The following ABCC3 variants were observed in gnomAD, a reference collection of about 807,000 sequenced individuals.
The protein encoded by ABCC3 is ATP-binding cassette sub-family C member 3.
In ABCC3, 121 loss-of-function variants were observed where a neutral mutation model predicts 165.3. The ratio of observed to expected loss-of-function variants is 0.73; its 90% confidence interval spans 0.63 to 0.85. ABCC3 has a LOEUF of 0.85. Among genes scored for constraint, ABCC3 ranks in the 40% least tolerant of loss-of-function variants. The pLI is 0.00. For missense variants in ABCC3, 1,869 were observed against 1,964.1 expected (o/e 0.95, Z 0.92); for synonymous variants, 733 against 810.1 (o/e 0.90, Z 1.62).
chr17:50,651,411 T>C (rs1967113621), intron 1 of ABCC3, among the ~76,000 whole-genome samples: 1 of 152,182 alleles, frequency 6.6e-6, no homozygotes, highest in Non-Finnish European at 1.5e-5. Flanking sequence ...CTTTCTATTC[T>C]TGATGCTAAG....
In ABCC3 at chr17:50,657,201, G is replaced by A; in HGVS notation, c.486+18G>A. 6.2e-7 allele frequency: 1 copy of A among 1,611,932 alleles called. No homozygotes were observed. Among genetic ancestry groups the A allele is most frequent in the Non-Finnish European group, 8.5e-7 (1 of 1,178,886 alleles). On this transcript the variant is annotated intron_variant, in intron 4 of 30. Coordinates refer to ENST00000285238, the MANE Select transcript of ABCC3 (RefSeq NM_003786.4). ...AGGCAGAGGTAAGGTTGGGGGAGAG[G>A]GGAACCTGCCAGGTTTAGCCCTGAT...
intron 1 of ABCC3, 190 bp downstream of exon 1, chr17:50,635,171 C>T: frequency 1.7e-6 from 1 of 595,550 alleles, no homozygotes; most frequent in Non-Finnish European, 2.7e-6. Flanking sequence ...CCGGGTCCCA[C>T]GCGGTGTCGG....
intron 7 of ABCC3, 142 bp downstream of exon 7, chr17:50,659,510 C>G: frequency 9.8e-7 from 1 of 1,020,630 alleles, no homozygotes; most frequent in Non-Finnish European, 1.4e-6. Context: ...AGCCTCGGGA[C>G]CATTCTATGG....
chr17:50,669,381 A>C lies in ABCC3; in HGVS notation c.2094A>C (p.Ala698=). Residue 698 remains alanine (A), a synonymous_variant, in exon 17 of 31, where the codon GCA becomes GCC. Transcript: ENST00000285238. The part of the protein sequence containing the change: ...KGSVAYVPQQ[A]WIQNCTLQEN... Reference sequence around the variant, plus strand: ...CCGTGGCCTATGTGCCCCAGCAGGCATGGATCCAGAACTGCACTCTTCAGG... The same window carrying C: ...CCGTGGCCTATGTGCCCCAGCAGGCCTGGATCCAGAACTGCACTCTTCAGG... 1.9e-6 allele frequency: 3 copies of C among 1,614,214 alleles called. No homozygotes were observed. The highest frequency in any genetic ancestry group is 2.5e-6 in the Non-Finnish European group (3 of 1,180,028).
In ABCC3 at chr17:50,673,984, C is replaced by CTTTCTTTCTT. The variant is rs1567835582; in HGVS notation, c.2599+327_2599+328insTTCTTTCTTT. Among the ~76,000 whole-genome samples, 51 of 11,548 alleles carry CTTTCTTTCTT rather than the reference C, an allele frequency of 4.4e-3. 10 individuals are homozygous for CTTTCTTTCTT. Among genetic ancestry groups the CTTTCTTTCTT allele is most frequent in the East Asian group, 0.013 (7 of 524 alleles). The allele number at this position is 11,548 out of a possible 152,430, so 7.6% of individuals were successfully genotyped here. A position where few individuals can be genotyped will look rare whatever the true frequency, so the allele number is the denominator to read the frequency against. On this transcript the variant is annotated intron_variant, in intron 19 of 30. Coordinates refer to ENST00000285238, the MANE Select transcript of ABCC3 (RefSeq NM_003786.4). Reference sequence around the variant, plus strand: ...TCTTTCTTTCTTTCTTTCTTTCTCTCTCTCTCTCTCTCTCTCTCTCTCTCT... The same window carrying CTTTCTTTCTT: ...TCTTTCTTTCTTTCTTTCTTTCTCTCTTTCTTTCTTTCTCTCTCTCTCTCTCTCTCTCTCT...
Position 50,635,909 on chromosome 17 carries a change from A to G in ABCC3, c.45+928A>G, listed in dbSNP as rs138642181. ...AAAAAAATAAATAAATAAGAAAAGA[A>G]AATCAAGCCTTTGGTGACTCTCACT... On this transcript the variant is annotated intron_variant, in intron 1 of 30. Transcript: ENST00000285238. 2.9e-3 allele frequency: 733 copies of G among 256,282 alleles called. 10 individuals carry two copies. Among genetic ancestry groups the G allele is most frequent in the African/African-American group, 0.014 (666 of 45,956 alleles). 15.9% of individuals were successfully genotyped at this position (256,282 alleles called of 1,614,324 possible). A position where few individuals can be genotyped will look rare whatever the true frequency, so the allele number is the denominator to read the frequency against.
rs1597860199 is a variant in ABCC3 at position 50,679,899 on chromosome 17, G to A, written c.3807G>A (p.Glu1269=). 1 of 1,612,888 alleles carries A rather than the reference G, an allele frequency of 6.2e-7. No homozygotes were observed. Among genetic ancestry groups the A allele is most frequent in the Non-Finnish European group, 8.5e-7 (1 of 1,178,946 alleles). The change falls in exon 26 of 31, where the codon GAG becomes GAA. Residue 1269 remains glutamate (E), a splice_region_variant and synonymous_variant. Transcript: ENST00000285238. ...RVKEYSKTET[E]APWVVEGSRP... ...AGGAGTACTCCAAGACAGAGACAGAGGTGGGTACTGGCATGAGCCCGGGAC... is the reference window on the plus strand; with the variant it reads ...AGGAGTACTCCAAGACAGAGACAGAAGTGGGTACTGGCATGAGCCCGGGAC...
In ABCC3 at chr17:50,656,105, A is replaced by C. The variant is rs1401666826; in HGVS notation, c.222+97A>C. 3 of 1,041,958 alleles carry C rather than the reference A, an allele frequency of 2.9e-6. No homozygotes were observed. In the African/African-American group the frequency reaches 5.0e-5, roughly 17 times the overall value. 64.5% of individuals were successfully genotyped at this position (1,041,958 alleles called of 1,614,324 possible). On this transcript the variant is annotated intron_variant, in intron 2 of 30. Coordinates refer to ENST00000285238, the MANE Select transcript of ABCC3 (RefSeq NM_003786.4). ...TAAATTAATTAATTAATTAATTTAG[A>C]GACAGAGTCTCACTCTGTCGCCCAG...
Position 50,683,973 on chromosome 17 carries a change from GC to G in ABCC3, c.3980del (p.Ala1327ValfsTer6). On this transcript the variant is annotated frameshift_variant, in exon 28 of 31. Coordinates refer to ENST00000285238, the MANE Select transcript of ABCC3 (RefSeq NM_003786.4). LOFTEE classifies it high-confidence loss of function. ...EKVGIVGRTG[A>X]GKSSMTLCLF... ...GGTGGGGATCGTGGGCCGCACTGGG[GC>G]TGGCAAGTCTTCCATGACCCTTTGC... 1 of 1,613,368 alleles carries G rather than the reference GC, an allele frequency of 6.2e-7. No homozygotes were observed. Among genetic ancestry groups the G allele is most frequent in the African/African-American group, 1.3e-5 (1 of 74,994 alleles).
intron 11 of ABCC3, among the ~76,000 whole-genome samples, chr17:50,667,320 G>A (rs1197358836): frequency 3.9e-5 from 6 of 152,088 alleles, no homozygotes; most frequent in African/African-American, 2.4e-5. Flanking sequence ...TGGGGAGGCC[G>A]GTGCAGTGGC....
chr17:50,683,531 GC>G, intron 26 of ABCC3, 78 bp from the exon 27 acceptor site: 2 of 1,434,618 alleles, frequency 1.4e-6, no homozygotes, highest in Non-Finnish European at 1.8e-6. Context: ...GGATTGAGGG[GC>G]CTTGGGGGAG....
At chr17:50,682,859 G>A (rs1393196954) in intron 26 of ABCC3, among the ~76,000 whole-genome samples, 1 of 152,156 alleles carries the variant, frequency 6.6e-6, no homozygotes, top group Non-Finnish European at 1.5e-5. Flanking sequence ...AACAATGAAT[G>A]GGTAAAGGTA....
rs1567835582 is a variant in ABCC3, at chr17:50,673,984, C to CTTTCTTTCTTTCTTTCTTTCTT, written c.2599+327_2599+328insTTCTTTCTTTCTTTCTTTCTTT. Among the ~76,000 whole-genome samples the CTTTCTTTCTTTCTTTCTTTCTT allele has an allele frequency of 4.3e-4, 5 of 11,546 alleles. 1 individual carries two copies. The South Asian group carries it at 8.3e-3, about 19-fold the overall frequency. The allele number at this position is 11,546 out of a possible 152,430, so 7.6% of individuals were successfully genotyped here. A position where few individuals can be genotyped will look rare whatever the true frequency, so the allele number is the denominator to read the frequency against. On this transcript the variant is annotated intron_variant, in intron 19 of 30. Transcript: ENST00000285238. ...TCTTTCTTTCTTTCTTTCTTTCTCT[C>CTTTCTTTCTTTCTTTCTTTCTT]TCTCTCTCTCTCTCTCTCTCTCTCT...
intron 1 of ABCC3, among the ~76,000 whole-genome samples, chr17:50,651,709 G>A (rs571929928): frequency 6.6e-6 from 1 of 152,200 alleles, no homozygotes; most frequent in Non-Finnish European, 1.5e-5. Flanking sequence ...GTAGGCGATA[G>A]AGACCCTATT....
chr17:50,649,841 G>T (rs929844346), intron 1 of ABCC3, among the ~76,000 whole-genome samples: 2 of 152,154 alleles, frequency 1.3e-5, no homozygotes, highest in African/African-American at 4.8e-5. Context: ...TTCATTAAAT[G>T]ACTTCGGAGG....
intron 26 of ABCC3, among the ~76,000 whole-genome samples, chr17:50,680,453 T>G (rs1254738079): frequency 6.6e-6 from 1 of 152,156 alleles, no homozygotes; most frequent in Non-Finnish European, 1.5e-5. Flanking sequence ...GCCCTCTTCA[T>G]GCCCAGAAGC....
intron 10 of ABCC3, chr17:50,664,782 G>A (rs948834362): frequency 3.1e-5 from 6 of 194,536 alleles, no homozygotes; most frequent in Non-Finnish European, 6.3e-5. Context: ...ATAGGACTTC[G>A]AGGATGCTGA....
intron 8 of ABCC3, chr17:50,663,372 G>A (rs536361768): frequency 2.3e-5 from 9 of 385,776 alleles, no homozygotes; most frequent in Non-Finnish European, 4.3e-5. Flanking sequence ...TGGAAACGTG[G>A]CATTTCTTCC....
chr17:50,675,583 G>C, intron 20 of ABCC3, 48 bp from the exon 21 acceptor site: 1 of 1,561,972 alleles, frequency 6.4e-7, no homozygotes, highest in Non-Finnish European at 8.7e-7. Flanking sequence ...CTCTGTCCTG[G>C]GGGGTGCTTG....
Sources: gnomAD v4.1 joint callset for allele counts (sites outside exome capture counted in the v4.1 genomes callset) on GRCh38, gnomAD v4.1.1 for gene constraint, MANE v1.5 for transcripts, NCBI Gene and HGNC (gene_info 2026-07-23, HGNC 2026-07-21) for gene names.